Variants in TYW1B observed in about 807,000 individuals in gnomAD.
TYW1B encodes tRNA-yW synthesizing protein 1 homolog B, also known as S-adenosyl-L-methionine-dependent tRNA 4-demethylwyosine synthase TYW1B.
In TYW1B, 73 loss-of-function variants were observed where a neutral mutation model predicts 86.9. The ratio of observed to expected loss-of-function variants is 0.84; its 90% confidence interval spans 0.70 to 1.02. TYW1B has a LOEUF of 1.02. Ranked by LOEUF, TYW1B falls within the 50% of genes least tolerant of loss-of-function variation. The pLI, the probability that TYW1B is intolerant of heterozygous loss-of-function variation, is 0.00. For synonymous variants in TYW1B, 248 were observed against 292.8 expected, an observed-to-expected ratio of 0.85 and a Z score of 1.56; for missense variants, 637 against 827.4, an observed-to-expected ratio of 0.77 and a Z score of 2.82.
intron 8 of TYW1B, among the ~76,000 whole-genome samples, chr7:72,739,293 A>G (rs1307927395): frequency 6.6e-6 from 1 of 152,050 alleles, no homozygotes; most frequent in East Asian, 1.9e-4. Flanking sequence ...AAAACTCTAT[A>G]ATAAGAATTT....
intron 7 of TYW1B, among the ~76,000 whole-genome samples, chr7:72,749,538 C>T (rs1787459522): frequency 6.6e-6 from 1 of 152,172 alleles, no homozygotes; most frequent in Non-Finnish European, 1.5e-5. Flanking sequence ...GTGATCTGCC[C>T]ACCCCGGCCT....
chr7:72,784,789 C>T (rs539024327), intron 6 of TYW1B, among the ~76,000 whole-genome samples: 8 of 152,246 alleles, frequency 5.3e-5, no homozygotes, highest in East Asian at 1.9e-4. Context: ...TAAGCCACTG[C>T]GCCCGGCCTC....
At chr7:72,703,854 CAA>C (rs1200304670) in intron 10 of TYW1B, among the ~76,000 whole-genome samples, 18 of 87,162 alleles carry the variant, frequency 2.1e-4, no homozygotes, top group Admixed American at 2.5e-4. Context: ...GACCCTGTCT[CAA>C]AAAAAAAAAA....
At chr7:72,626,970 C>T (rs1812362789) in intron 12 of TYW1B, among the ~76,000 whole-genome samples, 1 of 151,924 alleles carries the variant, frequency 6.6e-6, no homozygotes, top group South Asian at 2.1e-4. Flanking sequence ...AAAATCCAAT[C>T]CCCTTATCTT....
At chr7:72,703,026 ATTTT>A (rs1166122885) in intron 10 of TYW1B, among the ~76,000 whole-genome samples, 2 of 35,206 alleles carry the variant, frequency 5.7e-5, no homozygotes, top group African/African-American at 2.4e-4. Flanking sequence ...ATATATATAT[ATTTT>A]TTTTTTTTTT....
At chr7:72,675,539 G>GTATACA (rs1554237404) in intron 11 of TYW1B, among the ~76,000 whole-genome samples, 1 of 144,486 alleles carries the variant, frequency 6.9e-6, no homozygotes, top group Non-Finnish European at 1.5e-5. Context: ...AGTGATGTCA[G>GTATACA]TATATATATA....
At chr7:72,703,019 TATATATA>T (rs1332523557) in intron 10 of TYW1B, among the ~76,000 whole-genome samples, 11,724 of 30,822 alleles carry the variant, frequency 0.38, 1,154 homozygotes, top group Non-Finnish European at 0.42. Context: ...TATATATATA[TATATATA>T]TTTTTTTTTT....
In TYW1B at chr7:72,574,704, G is replaced by T. The variant is rs1251552958; in HGVS notation, c.*794C>A. 3 of 985,288 alleles carry T rather than the reference G, an allele frequency of 3.0e-6. No homozygotes were observed. In the African/African-American group the frequency reaches 5.2e-5, roughly 17 times the overall value. 61.0% of individuals were successfully genotyped at this position (985,288 alleles called of 1,614,324 possible). A position where few individuals can be genotyped will look rare whatever the true frequency, so the allele number is the denominator to read the frequency against. ...AGATGGAGACCCGCCGTCTGGTCGT[G>T]ATATGAGAGGCCCGGACAGTGACCT... On this transcript the variant is annotated 3_prime_UTR_variant, in exon 14 of 14. Transcript: ENST00000620995.
intron 6 of TYW1B, among the ~76,000 whole-genome samples, chr7:72,793,754 C>CAA (rs11327564): frequency 5.6e-5 from 4 of 70,922 alleles, no homozygotes; most frequent in African/African-American, 4.8e-5. Flanking sequence ...GACTCCGTCT[C>CAA]AAAAAAAAAA....
chr7:72,594,494 G>A (rs1413489415), intron 13 of TYW1B, among the ~76,000 whole-genome samples: 11 of 152,098 alleles, frequency 7.2e-5, no homozygotes, highest in African/African-American at 1.7e-4. Flanking sequence ...TAACTATTAC[G>A]GAGATTAAAT....
rs1787591187 is a variant in TYW1B, at chr7:72,756,452, C to T, written c.965-11851G>A. On this transcript the variant is annotated intron_variant, in intron 7 of 13. Transcript: ENST00000620995. Reference sequence around the variant, plus strand: ...ATTTCACCACATTGGTGAGGCTGGTCTCGAACTCCTGACCTCAGGTGATCT... The same window carrying T: ...ATTTCACCACATTGGTGAGGCTGGTTTCGAACTCCTGACCTCAGGTGATCT... Among the ~76,000 whole-genome samples, 3 of 151,766 alleles carry T rather than the reference C, an allele frequency of 2.0e-5. No individual in the cohort carries two copies. In the South Asian group the frequency reaches 6.2e-4, roughly 32 times the overall value.
intron 9 of TYW1B, among the ~76,000 whole-genome samples, chr7:72,719,407 G>C (rs1436970121): frequency 6.6e-6 from 1 of 151,778 alleles, no homozygotes; most frequent in Non-Finnish European, 1.5e-5. Context: ...GAGGCGGGTG[G>C]ATCATGAGGT....
intron 13 of TYW1B, among the ~76,000 whole-genome samples, chr7:72,582,827 A>C (rs1174946491): frequency 6.6e-6 from 1 of 152,214 alleles, no homozygotes; most frequent in Non-Finnish European, 1.5e-5. Flanking sequence ...ACAAAAGAAC[A>C]CAGAAATCTA....
chr7:72,591,198 G>A (rs1450530769), intron 13 of TYW1B, among the ~76,000 whole-genome samples: 2 of 151,944 alleles, frequency 1.3e-5, no homozygotes, highest in Admixed American at 1.3e-4. Context: ...AAGGGACCAT[G>A]AACACCATCA....
At chr7:72,622,522 G>A (rs376223093) in intron 12 of TYW1B, among the ~76,000 whole-genome samples, 4 of 152,112 alleles carry the variant, frequency 2.6e-5, no homozygotes, top group African/African-American at 4.8e-5. Context: ...CACATTTTAC[G>A]TAGGTATCAA....
intron 6 of TYW1B, among the ~76,000 whole-genome samples, chr7:72,788,091 C>A (rs1464852136): frequency 6.6e-6 from 1 of 151,774 alleles, no homozygotes; most frequent in Non-Finnish European, 1.5e-5. Context: ...CATTCTTCTG[C>A]CTCAGGCTCC....
At chr7:72,705,975 C>T (rs1377279745) in intron 10 of TYW1B, among the ~76,000 whole-genome samples, 5 of 152,174 alleles carry the variant, frequency 3.3e-5, no homozygotes, top group Non-Finnish European at 5.9e-5. Context: ...CTCTCTAGGA[C>T]TGCAAAGCTG....
chr7:72,675,890 A>G (rs1467422478), intron 11 of TYW1B, among the ~76,000 whole-genome samples: 2 of 152,190 alleles, frequency 1.3e-5, no homozygotes, highest in African/African-American at 4.8e-5. Context: ...ATTACATAAT[A>G]TTTCATAACT....
At chr7:72,685,148 T>C (rs1236466849) in intron 11 of TYW1B, among the ~76,000 whole-genome samples, 5 of 150,832 alleles carry the variant, frequency 3.3e-5, no homozygotes, top group African/African-American at 1.2e-4. Context: ...TATTTTGTTA[T>C]CATAAAGTAC....
Sources: gnomAD v4.1 joint callset for allele counts (sites outside exome capture counted in the v4.1 genomes callset) on GRCh38, gnomAD v4.1.1 for gene constraint, MANE v1.5 for transcripts, NCBI Gene and HGNC (gene_info 2026-07-23, HGNC 2026-07-21) for gene names.